The following GCH1 variants were observed in gnomAD, a reference collection of about 807,000 sequenced individuals.
GCH1 encodes GTP cyclohydrolase 1.
GCH1 carries 5 observed loss-of-function variants against 25.9 expected under a neutral mutation model. The observed-to-expected ratio is 0.19, with a 90% confidence interval of 0.10 to 0.41. The LOEUF is 0.41. Among genes scored for constraint, GCH1 ranks in the 10% least tolerant of loss-of-function variants. The pLI, the probability that GCH1 is intolerant of heterozygous loss-of-function variation, is 1.00. For synonymous variants in GCH1, 159 were observed against 129.6 expected, an observed-to-expected ratio of 1.23 and a Z score of -1.54; for missense variants, 261 against 336.5, an observed-to-expected ratio of 0.78 and a Z score of 1.75.
chr14:54,882,992 A>C (rs991416737), intron 1 of GCH1, among the ~76,000 whole-genome samples: 2 of 152,148 alleles, frequency 1.3e-5, no homozygotes, highest in African/African-American at 4.8e-5. Context: ...ACCCAGGATA[A>C]GTCGTTTTAA....
At chr14:54,874,552 G>T (rs1269079335) in intron 1 of GCH1, among the ~76,000 whole-genome samples, 30 of 152,038 alleles carry the variant, frequency 2.0e-4, no homozygotes, top group Admixed American at 2.0e-3. Flanking sequence ...GAAGTCAAAT[G>T]GTCCCTGTTT....
Position 54,902,571 on chromosome 14 carries a change from C to T in GCH1, c.93G>A (p.Gly31=). Residue 31 remains glycine, a synonymous_variant, in exon 1 of 6, where the codon GGG becomes GGA. Coordinates refer to ENST00000491895, the MANE Select transcript of GCH1 (RefSeq NM_000161.3). ...GGGGCTTCTCCGCCGGCCTGCTGGG[C>T]CCGGGCCGCGGCGGATCCCGCTCGG... ...GFPERDPPRP[G]PSRPAEKPPR... 2.0e-6 allele frequency: 3 copies of T among 1,496,472 alleles called. No individual in the cohort carries two copies. The highest frequency in any genetic ancestry group is 2.7e-6 in the Non-Finnish European group (3 of 1,125,482). The allele number at this position is 1,496,472 out of a possible 1,614,324, so 92.7% of individuals were successfully genotyped here. A position where few individuals can be genotyped will look rare whatever the true frequency, so the allele number is the denominator to read the frequency against.
intron 1 of GCH1, among the ~76,000 whole-genome samples, chr14:54,879,889 G>A (rs2040218974): frequency 6.6e-6 from 1 of 151,252 alleles, no homozygotes; most frequent in Admixed American, 6.6e-5. Flanking sequence ...GGAGGCTGAG[G>A]CAGGAGAATC....
intron 1 of GCH1, among the ~76,000 whole-genome samples, chr14:54,896,349 C>G (rs573154088): frequency 6.6e-6 from 1 of 152,254 alleles, no homozygotes; most frequent in African/African-American, 2.4e-5. Context: ...TATCTCCCAC[C>G]AGTATCCTTC....
chr14:54,848,491 G>A (rs1205528382), intron 3 of GCH1, among the ~76,000 whole-genome samples: 10 of 152,200 alleles, frequency 6.6e-5, no homozygotes, highest in East Asian at 3.9e-4. Context: ...AGATGACCAC[G>A]TGACTTATCC....
chr14:54,896,786 A>T lies in GCH1; in HGVS notation c.343+5535T>A, dbSNP rs1303587500. Among the ~76,000 whole-genome samples, 3 of 151,344 alleles carry T rather than the reference A, an allele frequency of 2.0e-5. No individual in the cohort carries two copies. The South Asian group carries it at 6.3e-4, about 32-fold the overall frequency. ...AAAAAAAAAATTAGCCGGGTGTGGT[A>T]GCGGGCGCCTGTAATCCCAGCTACT... On this transcript the variant is annotated intron_variant, in intron 1 of 5. Transcript: ENST00000491895.
intron 1 of GCH1, among the ~76,000 whole-genome samples, chr14:54,893,860 C>A (rs2040453596): frequency 6.6e-6 from 1 of 152,208 alleles, no homozygotes; most frequent in South Asian, 2.1e-4. Flanking sequence ...TGGCATTGGT[C>A]AAGTTCCTAT....
intron 3 of GCH1, among the ~76,000 whole-genome samples, chr14:54,850,824 C>T (rs1260258997): frequency 6.6e-6 from 1 of 152,196 alleles, no homozygotes; most frequent in Non-Finnish European, 1.5e-5. Context: ...TTTGTTATGG[C>T]TGCATAGTAT....
chr14:54,849,279 G>T (rs1307540274), intron 3 of GCH1, among the ~76,000 whole-genome samples: 8 of 152,106 alleles, frequency 5.3e-5, no homozygotes, highest in African/African-American at 1.9e-4. Context: ...TCTTTTACAA[G>T]TGAGGAGTAA....
intron 2 of GCH1, among the ~76,000 whole-genome samples, chr14:54,862,379 CTTTTTTTTTTT>C (rs892910613): frequency 2.1e-4 from 12 of 57,398 alleles, no homozygotes; most frequent in South Asian, 8.5e-4. Context: ...AAGCACTACT[CTTTTTTTTTTT>C]TTTTTTTTTT....
At chr14:54,877,336 A>C (rs189083593) in intron 1 of GCH1, among the ~76,000 whole-genome samples, 100 of 152,142 alleles carry the variant, frequency 6.6e-4, no homozygotes, top group East Asian at 3.3e-3. Flanking sequence ...GTCTACAACA[A>C]CACCACACAA....
Position 54,891,794 on chromosome 14 carries a change from C to G in GCH1, c.343+10527G>C, listed in dbSNP as rs1337749063. Among the ~76,000 whole-genome samples, 3 of 152,162 alleles carry G rather than the reference C, an allele frequency of 2.0e-5. No individual in the cohort carries two copies. In the East Asian group the frequency reaches 5.8e-4, roughly 29 times the overall value. On this transcript the variant is annotated intron_variant, in intron 1 of 5. Transcript: ENST00000491895. ...CTTCTGCCCAGAATATGAATCAATCCTTTGTCCAGAGCATCCACATTGTCT... is the reference window on the plus strand; with the variant it reads ...CTTCTGCCCAGAATATGAATCAATCGTTTGTCCAGAGCATCCACATTGTCT...
At chr14:54,900,843 T>TCA (rs1491121836) in intron 1 of GCH1, among the ~76,000 whole-genome samples, 103 of 84,742 alleles carry the variant, frequency 1.2e-3, no homozygotes, top group Middle Eastern at 5.7e-3. Flanking sequence ...TTGTGAAATA[T>TCA]CTCACACACA....
chr14:54,852,181 AC>A lies in GCH1; in HGVS notation c.510-5052del, dbSNP rs554195851. On this transcript the variant is annotated intron_variant, in intron 3 of 5. Transcript: ENST00000491895. ...AAACACTGAGAACAAAACAAATTTT[AC>A]CCTAGGCTAATTGATATAATAAGAA... Among the ~76,000 whole-genome samples, 107 of 152,298 alleles carry A rather than the reference AC, an allele frequency of 7.0e-4. 1 individual carries two copies. Among genetic ancestry groups the A allele is most frequent in the African/African-American group, 2.1e-3 (89 of 41,540 alleles).
At chr14:54,847,194 C>A in intron 3 of GCH1, 64 bp from the exon 4 acceptor site, 1 of 672,018 alleles carries the variant, frequency 1.5e-6, no homozygotes. Flanking sequence ...ATAAGCCTTC[C>A]TCATAAAACA....
chr14:54,865,005 A>C (rs1338708323), intron 2 of GCH1, among the ~76,000 whole-genome samples: 8 of 150,288 alleles, frequency 5.3e-5, no homozygotes, highest in Non-Finnish European at 1.2e-4. Flanking sequence ...ATAATAAATA[A>C]ATAAAGGTTA....
intron 1 of GCH1, among the ~76,000 whole-genome samples, chr14:54,867,352 C>G: frequency 6.6e-6 from 1 of 151,964 alleles, no homozygotes; most frequent in Admixed American, 6.6e-5. Flanking sequence ...CTCTGGGAGG[C>G]AGAGGTAGGT....
At chr14:54,847,433 A>G (rs1262935744) in intron 3 of GCH1, among the ~76,000 whole-genome samples, 1 of 152,192 alleles carries the variant, frequency 6.6e-6, no homozygotes, top group Admixed American at 6.5e-5. Context: ...GGTGGGCACA[A>G]TCTCATCAGC....
chr14:54,868,899 C>CTTA (rs748909708), intron 1 of GCH1, among the ~76,000 whole-genome samples: 15 of 151,580 alleles, frequency 9.9e-5, no homozygotes, highest in African/African-American at 1.5e-4. Flanking sequence ...CGTACCTGGC[C>CTTA]TTATTATTAT....
Sources: allele counts gnomAD v4.1 joint callset (sites outside exome capture counted in the v4.1 genomes callset), GRCh38; gene constraint gnomAD v4.1.1; transcripts MANE v1.5; gene names NCBI Gene and HGNC (gene_info 2026-07-23, HGNC 2026-07-21).